CALN1: variants seen among roughly 807,000 people sequenced by gnomAD.
The protein encoded by CALN1 is calcium-binding protein 8.
Under a neutral mutation model 30.6 loss-of-function variants are expected in CALN1, and 17 were observed. The ratio of observed to expected loss-of-function variants is 0.56; its 90% CI spans 0.38 to 0.83. CALN1 has a LOEUF of 0.83. Ranked by LOEUF, CALN1 falls within the 40% of genes least tolerant of loss-of-function variation. The probability of loss-of-function intolerance (pLI) is 0.00; values close to 1 mark genes in which losing one functional copy is unlikely to be tolerated. For synonymous variants in CALN1, 156 were observed against 131.4 expected, an observed-to-expected ratio of 1.19 and a Z score of -1.28; for missense variants, 291 against 354.9, an observed-to-expected ratio of 0.82 and a Z score of 1.45.
At chr7:72,178,688 CAA>C (rs34462364) in intron 3 of CALN1, among the ~76,000 whole-genome samples, 4 of 137,502 alleles carry the variant, frequency 2.9e-5, no homozygotes, top group Admixed American at 7.4e-5. Flanking sequence ...GACTCCATGT[CAA>C]AAAAAAAAAA....
At chr7:72,456,467 G>T in the CALN1 span, among the ~76,000 whole-genome samples, 1 of 152,150 alleles carries the variant, frequency 6.6e-6, no homozygotes, top group Admixed American at 6.6e-5. Context: ...GAGCCCAGAA[G>T]TTCAAGACTG....
At chr7:72,317,949 A>T (rs1265819994) in intron 2 of CALN1, among the ~76,000 whole-genome samples, 1 of 152,134 alleles carries the variant, frequency 6.6e-6, no homozygotes, top group Non-Finnish European at 1.5e-5. Context: ...AAAATATTTC[A>T]CTCTGTGCAA....
intron 5 of CALN1, among the ~76,000 whole-genome samples, chr7:71,826,633 G>A (rs981163314): frequency 5.9e-5 from 9 of 152,136 alleles, no homozygotes; most frequent in African/African-American, 1.9e-4. Context: ...AGGGGACAGG[G>A]GACCTTGACG....
intron 3 of CALN1, among the ~76,000 whole-genome samples, chr7:72,262,552 T>C (rs1372102695): frequency 6.6e-6 from 1 of 152,212 alleles, no homozygotes; most frequent in African/African-American, 2.4e-5. Flanking sequence ...TCCATTATTA[T>C]GTTCCCGTGT....
intron 2 of CALN1, among the ~76,000 whole-genome samples, chr7:72,320,888 T>G (rs1269713137): frequency 1.3e-5 from 2 of 150,118 alleles, no homozygotes; most frequent in African/African-American, 4.9e-5. Context: ...CCTAGCAGGT[T>G]AAGAGCATGG....
At chr7:72,113,741 G>C (rs887607104) in intron 3 of CALN1, among the ~76,000 whole-genome samples, 2 of 152,254 alleles carry the variant, frequency 1.3e-5, no homozygotes, top group African/African-American at 4.8e-5. Context: ...GACAGGAACT[G>C]TGGGGCCCAC....
intron 5 of CALN1, among the ~76,000 whole-genome samples, chr7:71,868,346 C>G (rs956615943): frequency 6.7e-6 from 1 of 149,042 alleles, no homozygotes; most frequent in Non-Finnish European, 1.5e-5. Flanking sequence ...GCAGGAACAG[C>G]GAGAGGGGAG....
intron 5 of CALN1, among the ~76,000 whole-genome samples, chr7:71,882,527 G>A (rs560872366): frequency 5.3e-4 from 80 of 152,232 alleles, no homozygotes; most frequent in African/African-American, 1.8e-3. Context: ...GAATACCTGC[G>A]TTAGCACTGT....
chr7:72,339,270 A>G (rs1489061006), intron 2 of CALN1, among the ~76,000 whole-genome samples: 15 of 152,178 alleles, frequency 9.9e-5, no homozygotes, highest in Admixed American at 8.5e-4. Flanking sequence ...CAGTGCTGCA[A>G]CAAACATCAG....
At chr7:71,891,105 A>T (rs1793215749) in intron 5 of CALN1, among the ~76,000 whole-genome samples, 1 of 152,146 alleles carries the variant, frequency 6.6e-6, no homozygotes, top group African/African-American at 2.4e-5. Context: ...CTAGTTATTA[A>T]ATCTAATTGT....
chr7:71,942,336 C>A, intron 5 of CALN1: 1 of 176,026 alleles, frequency 5.7e-6, no homozygotes, highest in Non-Finnish European at 1.3e-5. Flanking sequence ...CTCAGGGACA[C>A]TGCACGCAGG....
chr7:72,199,111 C>T (rs1005382511), intron 3 of CALN1, among the ~76,000 whole-genome samples: 1 of 152,078 alleles, frequency 6.6e-6, no homozygotes, highest in African/African-American at 2.4e-5. Flanking sequence ...CCCATCTCTA[C>T]TAAAAATACA....
chr7:71,874,277 A>G (rs890557386), intron 5 of CALN1, among the ~76,000 whole-genome samples: 1 of 118,196 alleles, frequency 8.5e-6, no homozygotes, highest in Non-Finnish European at 1.7e-5. Context: ...TGTCTCAAAC[A>G]TTAAAAAAAA....
intron 2 of CALN1, among the ~76,000 whole-genome samples, chr7:72,304,116 G>T (rs553507903): frequency 3.3e-4 from 50 of 152,170 alleles, no homozygotes; most frequent in Non-Finnish European, 6.5e-4. Context: ...GCCCTCCCCC[G>T]AAACCACCGT....
At chr7:72,273,548 T>C (rs1054492404) in intron 3 of CALN1, among the ~76,000 whole-genome samples, 1 of 149,158 alleles carries the variant, frequency 6.7e-6, no homozygotes, top group African/African-American at 2.5e-5. Flanking sequence ...GGTCTTTCTT[T>C]CTCACCAAGG....
chr7:71,925,508 G>C (rs1478391952), intron 5 of CALN1, among the ~76,000 whole-genome samples: 3 of 130,398 alleles, frequency 2.3e-5, no homozygotes, highest in African/African-American at 8.2e-5. Context: ...TTTTTTTTTG[G>C]TTGTTGTTTG....
chr7:72,288,472 C>T (rs1027726656), intron 2 of CALN1, among the ~76,000 whole-genome samples: 5 of 152,034 alleles, frequency 3.3e-5, no homozygotes, highest in African/African-American at 1.2e-4. Context: ...CTGAATACAG[C>T]CAACACTTAG....
At chr7:71,881,650 C>T (rs774411585) in intron 5 of CALN1, among the ~76,000 whole-genome samples, 4 of 152,142 alleles carry the variant, frequency 2.6e-5, no homozygotes, top group African/African-American at 9.7e-5. Context: ...AACAGCCTTA[C>T]CTAGGGTAAG....
chr7:71,959,114 C>T (rs1371949793), intron 5 of CALN1, among the ~76,000 whole-genome samples: 1 of 152,192 alleles, frequency 6.6e-6, no homozygotes, highest in Admixed American at 6.5e-5. Context: ...AGAAAGCAAA[C>T]TGAATGGCTT....
Sources: allele counts gnomAD v4.1 joint callset (sites outside exome capture counted in the v4.1 genomes callset), GRCh38; gene constraint gnomAD v4.1.1; transcripts MANE v1.5; gene names NCBI Gene and HGNC (gene_info 2026-07-23, HGNC 2026-07-21).